The following TMEM156 variants were observed in gnomAD, a reference collection of about 807,000 sequenced individuals.
The protein encoded by TMEM156 is transmembrane protein 156.
In TMEM156, 28 loss-of-function variants were observed where a neutral mutation model predicts 30.5. That is an observed-to-expected ratio of 0.92 (90% CI 0.68 to 1.26). TMEM156 has a LOEUF of 1.26. Ranked by LOEUF, TMEM156 falls within the 50% of genes most tolerant of loss-of-function variation. The probability of loss-of-function intolerance (pLI) is 0.00; values close to 1 mark genes in which losing one functional copy is unlikely to be tolerated. For synonymous variants in TMEM156, 137 were observed against 119.9 expected (o/e 1.14, Z -0.93); for missense variants, 351 against 340.6 (o/e 1.03, Z -0.24).
Position 38,998,893 on chromosome 4 carries a change from T to C in TMEM156, c.105A>G (p.Leu35=). 6.2e-7 allele frequency: 1 copy of C among 1,612,442 alleles called. No individual in the cohort carries two copies. The highest frequency in any genetic ancestry group is 8.5e-7 in the Non-Finnish European group (1 of 1,179,376). Reference sequence around the variant, plus strand: ...ATTGCAAACACACTTCCAGACATGATAGCTCCAATGTTCTTTCTGTAAAGA... The same window carrying C: ...ATTGCAAACACACTTCCAGACATGACAGCTCCAATGTTCTTTCTGTAAAGA... ...FKTPKERTLE[L]SCLEVCLQSN... is the part of the protein sequence containing the mutation. The change falls in exon 2 of 7, where the codon CTA becomes CTG. Residue 35 remains leucine (L), a synonymous_variant. Coordinates refer to ENST00000381938, the MANE Select transcript of TMEM156 (RefSeq NM_024943.3).
At chr4:39,001,409 G>A (rs1361023251) in intron 1 of TMEM156, among the ~76,000 whole-genome samples, 2 of 147,264 alleles carry the variant, frequency 1.4e-5, no homozygotes, top group Admixed American at 1.4e-4. Flanking sequence ...AAAAAAAAAA[G>A]AAAGAAAACA....
At chr4:38,999,440 A>G (rs1713182935) in intron 1 of TMEM156, among the ~76,000 whole-genome samples, 4 of 150,798 alleles carry the variant, frequency 2.7e-5, no homozygotes. Flanking sequence ...ATTCTGGGGA[A>G]TTTTTTATGG....
intron 1 of TMEM156, among the ~76,000 whole-genome samples, chr4:39,004,018 G>A (rs538475529): frequency 6.6e-6 from 1 of 152,088 alleles, no homozygotes; most frequent in Non-Finnish European, 1.5e-5. Flanking sequence ...AATTGGAAAA[G>A]AAATAAATAG....
At position 38,966,800 on chromosome 4, in the gene TMEM156, A is replaced by ATTTTTTTTTTTTTT. The variant is rs71641396; in HGVS notation, c.*866_*879dup. On this transcript the variant is annotated 3_prime_UTR_variant, in exon 7 of 7. Coordinates refer to ENST00000381938, the MANE Select transcript of TMEM156 (RefSeq NM_024943.3). ...TAAATTCGTTTTATTGGTATCTTTG[A>ATTTTTTTTTTTTTT]TTTTTTTTTTTTTTTTTTTTTGAGA... 1 of 121,248 alleles carries ATTTTTTTTTTTTTT rather than the reference A, an allele frequency of 8.2e-6. No individual in the cohort carries two copies. Among genetic ancestry groups the ATTTTTTTTTTTTTT allele is most frequent in the Non-Finnish European group, 1.7e-5 (1 of 59,588 alleles). The allele number at this position is 121,248 out of a possible 1,614,324, so 7.5% of individuals were successfully genotyped here.
intron 1 of TMEM156, among the ~76,000 whole-genome samples, chr4:39,015,291 T>C (rs1714402886): frequency 6.6e-6 from 1 of 152,202 alleles, no homozygotes; most frequent in African/African-American, 2.4e-5. Flanking sequence ...AGGCAGAAGA[T>C]GGAATTCAGG....
intron 6 of TMEM156, among the ~76,000 whole-genome samples, chr4:38,968,079 G>A (rs559677960): frequency 1.8e-4 from 28 of 152,216 alleles, no homozygotes; most frequent in African/African-American, 4.8e-4. Flanking sequence ...TCTGTGTTAC[G>A]CCATGACACC....
intron 5 of TMEM156, among the ~76,000 whole-genome samples, chr4:38,981,480 G>A (rs1354948111): frequency 2.6e-5 from 4 of 152,104 alleles, no homozygotes; most frequent in Admixed American, 2.6e-4. Flanking sequence ...AAAATGTTTT[G>A]TCTCAGTTTC....
At chr4:38,972,705 G>C (rs961069178) in intron 5 of TMEM156, among the ~76,000 whole-genome samples, 3 of 152,072 alleles carry the variant, frequency 2.0e-5, no homozygotes, top group African/African-American at 7.2e-5. Flanking sequence ...AACCTTTCAC[G>C]TGTGTAAGCG....
chr4:39,008,621 T>C (rs997769213), intron 1 of TMEM156, among the ~76,000 whole-genome samples: 4 of 152,080 alleles, frequency 2.6e-5, no homozygotes, highest in Non-Finnish European at 4.4e-5. Flanking sequence ...CCTTAAAAAA[T>C]AAGTTGAATA....
intron 1 of TMEM156, among the ~76,000 whole-genome samples, chr4:39,016,628 T>C (rs1175653729): frequency 6.6e-6 from 1 of 152,242 alleles, no homozygotes; most frequent in Non-Finnish European, 1.5e-5. Context: ...TATTCTCCAT[T>C]ATAGTTTCTT....
rs139108320 is a variant in TMEM156 at position 39,006,159 on chromosome 4, G to C, written c.89-7250C>G. Among the ~76,000 whole-genome samples the C allele has an allele frequency of 7.4e-3, 1,122 of 152,286 alleles. 15 individuals carry two copies. The highest frequency in any genetic ancestry group is 0.025 in the African/African-American group (1,057 of 41,542). On this transcript the variant is annotated intron_variant, in intron 1 of 6. Transcript: ENST00000381938. ...TATCTGCCCACCTTGACCTCCAAAAGTGCTGGGATTACAGGCATGAACCAC... is the reference window on the plus strand; with the variant it reads ...TATCTGCCCACCTTGACCTCCAAAACTGCTGGGATTACAGGCATGAACCAC...
intron 4 of TMEM156, among the ~76,000 whole-genome samples, chr4:38,988,362 T>C (rs904014717): frequency 3.9e-5 from 6 of 152,196 alleles, no homozygotes; most frequent in Non-Finnish European, 8.8e-5. Context: ...TAGCTGAGAT[T>C]ATAGGCTTGC....
In TMEM156 at chr4:39,032,212, A is replaced by T; in HGVS notation, c.88+14T>A. On this transcript the variant is annotated intron_variant, in intron 1 of 6. Transcript: ENST00000381938. Reference sequence around the variant, plus strand: ...AATTAAGAAAGGAAAGCTAGATTACAATTATATACTCACCTTTCGGTGTCT... The same window carrying T: ...AATTAAGAAAGGAAAGCTAGATTACTATTATATACTCACCTTTCGGTGTCT... 1 of 1,519,288 alleles carries T rather than the reference A, an allele frequency of 6.6e-7. No homozygotes were observed. The highest frequency in any genetic ancestry group is 9.1e-7 in the Non-Finnish European group (1 of 1,101,604). The allele number at this position is 1,519,288 out of a possible 1,614,324, so 94.1% of individuals were successfully genotyped here. A position where few individuals can be genotyped will look rare whatever the true frequency, so the allele number is the denominator to read the frequency against.
At chr4:38,970,781 A>G (rs575430195) in intron 6 of TMEM156, among the ~76,000 whole-genome samples, 2 of 152,354 alleles carry the variant, frequency 1.3e-5, no homozygotes, top group East Asian at 1.9e-4. Context: ...GGGATAAGCT[A>G]TCATCTCAGG....
At chr4:39,023,049 T>C (rs1714973030) in intron 1 of TMEM156, among the ~76,000 whole-genome samples, 1 of 152,170 alleles carries the variant, frequency 6.6e-6, no homozygotes, top group African/African-American at 2.4e-5. Context: ...AGGTGGGGTC[T>C]GTGGGAGGTA....
intron 1 of TMEM156, among the ~76,000 whole-genome samples, chr4:39,026,160 T>C (rs1439233555): frequency 6.6e-6 from 1 of 152,076 alleles, no homozygotes; most frequent in Non-Finnish European, 1.5e-5. Flanking sequence ...GGTGATAAAA[T>C]ATAAGTGATA....
Position 38,998,881 on chromosome 4 carries a change from T to C in TMEM156, c.117A>G (p.Glu39=), listed in dbSNP as rs1713125298. The part of the protein sequence containing the change: ...KERTLELSCL[E]VCLQSNFTYS... ...AGGTAAAATTAGATTGCAAACACAC[T>C]TCCAGACATGATAGCTCCAATGTTC... is the stretch of plus-strand genomic sequence containing the variant. The change falls in exon 2 of 7, where the codon GAA becomes GAG. Residue 39 remains glutamate (E), a synonymous_variant. Transcript: ENST00000381938. 6.2e-7 allele frequency: 1 copy of C among 1,613,402 alleles called. No individual in the cohort carries two copies. The highest frequency in any genetic ancestry group is 8.5e-7 in the Non-Finnish European group (1 of 1,179,804).
At chr4:39,016,128 A>T (rs987471744) in intron 1 of TMEM156, among the ~76,000 whole-genome samples, 1 of 152,190 alleles carries the variant, frequency 6.6e-6, no homozygotes, top group African/African-American at 2.4e-5. Context: ...GTAATCCAGC[A>T]CTTTGGGAGG....
At position 39,008,763 on chromosome 4, in the gene TMEM156, G is replaced by C. The variant is rs763391908; in HGVS notation, c.89-9854C>G. Among the ~76,000 whole-genome samples the C allele has an allele frequency of 5.3e-5, 8 of 152,138 alleles. No homozygotes were observed. The East Asian group carries it at 1.2e-3, about 22-fold the overall frequency. ...CTACAACATCTAGGTTACAACAAAA[G>C]CAGTGTTAAAAGAAAAGTTTATAGT... On this transcript the variant is annotated intron_variant, in intron 1 of 6. Coordinates refer to ENST00000381938, the MANE Select transcript of TMEM156 (RefSeq NM_024943.3).
Sources: allele counts gnomAD v4.1 joint callset (sites outside exome capture counted in the v4.1 genomes callset), GRCh38; gene constraint gnomAD v4.1.1; transcripts MANE v1.5; gene names NCBI Gene and HGNC (gene_info 2026-07-23, HGNC 2026-07-21).